The following ESRRG variants were observed in gnomAD, a reference collection of about 807,000 sequenced individuals.
The protein encoded by ESRRG is estrogen related receptor gamma, also known as estrogen-related receptor gamma.
A neutral mutation model predicts 44.0 loss-of-function variants in ESRRG; 13 were observed. The observed-to-expected ratio is 0.30, with a 90% CI of 0.19 to 0.47. The LOEUF is 0.47. Among genes scored for constraint, ESRRG ranks in the 20% least tolerant of loss-of-function variants. The pLI, the probability that ESRRG is intolerant of heterozygous loss-of-function variation, is 1.00. For synonymous variants in ESRRG, 215 were observed against 214.6 expected, an observed-to-expected ratio of 1.00 and a Z score of -0.02; for missense variants, 395 against 580.6, an observed-to-expected ratio of 0.68 and a Z score of 3.29.
intron 1 of ESRRG, among the ~76,000 whole-genome samples, chr1:217,024,051 G>A (rs2080786247): frequency 6.6e-6 from 1 of 152,170 alleles, no homozygotes; most frequent in Non-Finnish European, 1.5e-5. Flanking sequence ...AATGTAGGGG[G>A]TTTTCAAATA....
chr1:216,677,353 A>G lies in ESRRG; in HGVS notation c.195T>C (p.Ser65=). The G allele has an allele frequency of 6.2e-7, 1 of 1,614,070 alleles. No individual in the cohort carries two copies. Among genetic ancestry groups the G allele is most frequent in the East Asian group, 2.2e-5 (1 of 44,866 alleles). ...CATTCATGGTTGAACTGTAGCTCCC[A>G]CTGGCGTCTGAAGAGCCACCAGGGC... ...HHSPGGSSDA[S]GSYSSTMNGH... is the part of the protein sequence containing the mutation. Residue 65 remains serine (S), a synonymous_variant, in exon 2 of 7, where the codon AGT becomes AGC. Coordinates refer to ENST00000408911, the MANE Select transcript of ESRRG (RefSeq NM_001438.4).
intron 2 of ESRRG, among the ~76,000 whole-genome samples, chr1:216,769,626 A>C (rs2152386927): frequency 6.6e-6 from 1 of 152,250 alleles, no homozygotes; most frequent in South Asian, 2.1e-4. Context: ...AACAGTTATA[A>C]GTTTACTTCA....
intron 1 of ESRRG, among the ~76,000 whole-genome samples, chr1:217,122,984 G>A (rs938062681): frequency 5.9e-5 from 9 of 152,052 alleles, no homozygotes; most frequent in South Asian, 4.2e-4. Context: ...GAGCCACCGC[G>A]CCCAGCCAGC....
intron 1 of ESRRG, among the ~76,000 whole-genome samples, chr1:216,982,710 A>G (rs181030064): frequency 1.4e-4 from 21 of 152,358 alleles, no homozygotes; most frequent in Admixed American, 9.8e-4. Context: ...GGGTTTCAGT[A>G]GCAAGAAAAC....
chr1:216,712,906 C>A (rs527517678), intron 1 of ESRRG, among the ~76,000 whole-genome samples: 1 of 152,138 alleles, frequency 6.6e-6, no homozygotes, highest in Non-Finnish European at 1.5e-5. Flanking sequence ...GTTGCAAAAA[C>A]GAACTTTCCA....
intron 1 of ESRRG, among the ~76,000 whole-genome samples, chr1:216,966,287 A>G (rs2070362897): frequency 6.6e-6 from 1 of 152,124 alleles, no homozygotes; most frequent in African/African-American, 2.4e-5. Context: ...TCAACAAAAG[A>G]TTATTTGTAT....
At chr1:216,834,039 G>A (rs2095526843) in intron 2 of ESRRG, among the ~76,000 whole-genome samples, 1 of 152,156 alleles carries the variant, frequency 6.6e-6, no homozygotes, top group East Asian at 1.9e-4. Flanking sequence ...CAGTGAGGGT[G>A]AAATGAAACA....
intron 2 of ESRRG, among the ~76,000 whole-genome samples, chr1:216,921,678 T>A (rs2061870801): frequency 6.6e-6 from 1 of 152,212 alleles, no homozygotes; most frequent in East Asian, 1.9e-4. Context: ...TCTACTCTCC[T>A]GCTTTCTCTC....
chr1:216,522,949 G>A (rs2046533003), intron 5 of ESRRG, among the ~76,000 whole-genome samples: 1 of 152,156 alleles, frequency 6.6e-6, no homozygotes, highest in Non-Finnish European at 1.5e-5. Context: ...TTCATCATCT[G>A]TAATATTTAG....
intron 1 of ESRRG, among the ~76,000 whole-genome samples, chr1:216,986,461 C>T (rs1168345534): frequency 6.6e-6 from 1 of 152,014 alleles, no homozygotes; most frequent in African/African-American, 2.4e-5. Flanking sequence ...TGCCTCTAAT[C>T]CCAGCACTTT....
chr1:217,016,021 T>A (rs1334652271), intron 1 of ESRRG, among the ~76,000 whole-genome samples: 1 of 152,082 alleles, frequency 6.6e-6, no homozygotes, highest in East Asian at 1.9e-4. Flanking sequence ...AGAAAGTTTG[T>A]GTCGATCTTA....
chr1:216,774,537 T>C, intron 2 of ESRRG, among the ~76,000 whole-genome samples: 1 of 152,096 alleles, frequency 6.6e-6, no homozygotes, highest in East Asian at 1.9e-4. Flanking sequence ...TCCAAAACTG[T>C]CTCTTCTCCC....
At chr1:216,699,827 A>G (rs1438405874) in intron 1 of ESRRG, among the ~76,000 whole-genome samples, 1 of 152,226 alleles carries the variant, frequency 6.6e-6, no homozygotes, top group Non-Finnish European at 1.5e-5. Context: ...CTATTAACTA[A>G]AACTTATTGT....
intron 2 of ESRRG, among the ~76,000 whole-genome samples, chr1:216,750,384 A>G (rs1390205561): frequency 6.6e-6 from 1 of 152,094 alleles, no homozygotes; most frequent in Non-Finnish European, 1.5e-5. Flanking sequence ...ATTAGTTGAT[A>G]TTCTATGTCC....
intron 2 of ESRRG, among the ~76,000 whole-genome samples, chr1:216,798,196 C>A (rs2094524376): frequency 6.6e-6 from 1 of 151,974 alleles, no homozygotes; most frequent in Non-Finnish European, 1.5e-5. Context: ...TTGTCTGCAA[C>A]CTCCCAGGCA....
intron 3 of ESRRG, among the ~76,000 whole-genome samples, chr1:216,623,639 A>T (rs2062680341): frequency 6.6e-6 from 1 of 152,214 alleles, no homozygotes; most frequent in Non-Finnish European, 1.5e-5. Flanking sequence ...ACAAATACTG[A>T]TAAGAATAAC....
chr1:216,967,452 C>T (rs1366182501), intron 1 of ESRRG, among the ~76,000 whole-genome samples: 1 of 152,114 alleles, frequency 6.6e-6, no homozygotes, highest in Non-Finnish European at 1.5e-5. Context: ...TAGGACCCTG[C>T]CTTTTCTAGA....
chr1:216,629,693 T>C (rs1857400), intron 3 of ESRRG, among the ~76,000 whole-genome samples: 151,234 of 152,324 alleles, frequency 0.99, 75,081 homozygotes, highest in East Asian at 1. Context: ...GCGCACTGAA[T>C]AGAACAGGGA....
intron 2 of ESRRG, among the ~76,000 whole-genome samples, chr1:216,732,441 A>G (rs1383165243): frequency 1.3e-5 from 2 of 151,628 alleles, no homozygotes; most frequent in East Asian, 1.9e-4. Context: ...CAGTGGCACA[A>G]TCTCAGCTCC....
Sources: allele counts gnomAD v4.1 joint callset (sites outside exome capture counted in the v4.1 genomes callset), GRCh38; gene constraint gnomAD v4.1.1; transcripts MANE v1.5; gene names NCBI Gene and HGNC (gene_info 2026-07-23, HGNC 2026-07-21).